The following LMO7 variants were observed in gnomAD, a reference collection of about 807,000 sequenced individuals.
LMO7 encodes LIM domain only protein 7.
In LMO7, 120 loss-of-function variants were observed where a neutral mutation model predicts 206.5. That is an observed-to-expected ratio of 0.58 (90% CI 0.50 to 0.68). The LOEUF (loss-of-function observed/expected upper bound fraction) is 0.68, where lower values mean the gene tolerates loss of function less well. Ranked by LOEUF, LMO7 falls within the 30% of genes least tolerant of loss-of-function variation. The probability of loss-of-function intolerance (pLI) is 0.00; values close to 1 mark genes in which losing one functional copy is unlikely to be tolerated. For missense variants in LMO7, 1,959 were observed against 1,957.9 expected (o/e 1.00, Z -0.01); for synonymous variants, 706 against 681.5 (o/e 1.04, Z -0.56).
At chr13:75,815,010 C>T (rs1350483093) in intron 11 of LMO7, among the ~76,000 whole-genome samples, 2 of 152,056 alleles carry the variant, frequency 1.3e-5, no homozygotes, top group South Asian at 2.1e-4. Flanking sequence ...TTGGAAGAAC[C>T]TGTCTTTAAC....
upstream of LMO7, among the ~76,000 whole-genome samples, chr13:75,632,862 G>GTTTTTTTTTGTTTGTTTTTTTTTTTTTT (rs2035134633): frequency 9.8e-6 from 1 of 102,138 alleles, no homozygotes; most frequent in African/African-American, 4.0e-5. Context: ...TTACTTAAAA[G>GTTTTTTTTTGTTTGTTTTTTTTTTTTTT]TTTTTTTTTT....
At chr13:75,796,775 T>C (rs2054067717) in intron 6 of LMO7, 26 bp downstream of exon 6, 2 of 1,320,886 alleles carry the variant, frequency 1.5e-6, no homozygotes, top group East Asian at 4.6e-5. Flanking sequence ...CTGTGTGAGA[T>C]TACTGCTGTA....
At chr13:75,746,781 A>G (rs1219305238) in intron 3 of LMO7, among the ~76,000 whole-genome samples, 1 of 151,958 alleles carries the variant, frequency 6.6e-6, no homozygotes, top group African/African-American at 2.4e-5. Flanking sequence ...AATTCCTGCA[A>G]GGTACCTGTT....
chr13:75,677,444 C>T (rs1192725760), intron 1 of LMO7, among the ~76,000 whole-genome samples: 2 of 152,128 alleles, frequency 1.3e-5, no homozygotes, highest in African/African-American at 4.8e-5. Flanking sequence ...CTAAAAAAGC[C>T]AGTGACTTTT....
chr13:75,809,256 C>A, intron 11 of LMO7, 73 bp downstream of exon 11: 1 of 1,307,856 alleles, frequency 7.6e-7, no homozygotes, highest in East Asian at 2.3e-5. Flanking sequence ...GTATTTCTGG[C>A]ATGGCATGTC....
At chr13:75,777,897 G>C (rs1340351351) in intron 4 of LMO7, among the ~76,000 whole-genome samples, 1 of 151,908 alleles carries the variant, frequency 6.6e-6, no homozygotes, top group Non-Finnish European at 1.5e-5. Flanking sequence ...CGCCCGCCTC[G>C]GCCTCCCAAA....
chr13:75,729,466 C>T (rs1434925328), intron 3 of LMO7, among the ~76,000 whole-genome samples: 2 of 150,142 alleles, frequency 1.3e-5, no homozygotes, highest in South Asian at 2.1e-4. Context: ...GTGATTTTTG[C>T]ACATTGATTT....
At chr13:75,797,927 C>T (rs371329615) in intron 6 of LMO7, among the ~76,000 whole-genome samples, 1 of 152,158 alleles carries the variant, frequency 6.6e-6, no homozygotes, top group Non-Finnish European at 1.5e-5. Context: ...GACTACGTAA[C>T]CTCATAAAGC....
chr13:75,686,775 T>G (rs1434631067), intron 1 of LMO7, among the ~76,000 whole-genome samples: 1 of 152,160 alleles, frequency 6.6e-6, no homozygotes, highest in East Asian at 1.9e-4. Flanking sequence ...ATAGGGTGCA[T>G]GGCTTCAGCA....
chr13:75,697,490 C>T (rs1416018236), intron 1 of LMO7, among the ~76,000 whole-genome samples: 2 of 152,264 alleles, frequency 1.3e-5, no homozygotes, highest in South Asian at 2.1e-4. Context: ...TTCACTATCA[C>T]AAGAACAGTA....
chr13:75,808,286 C>G (rs533801716), intron 10 of LMO7, 87 bp downstream of exon 10: 12 of 1,395,170 alleles, frequency 8.6e-6, no homozygotes, highest in Non-Finnish European at 9.6e-6. Context: ...CATCGTGTTG[C>G]TCAACTCTGC....
intron 6 of LMO7, among the ~76,000 whole-genome samples, chr13:75,797,964 T>G (rs1015422362): frequency 1.3e-5 from 2 of 152,174 alleles, no homozygotes; most frequent in Admixed American, 6.5e-5. Context: ...GGTGAGCATA[T>G]TGGTCACTGC....
intron 3 of LMO7, among the ~76,000 whole-genome samples, chr13:75,747,340 G>A (rs939301214): frequency 5.9e-5 from 9 of 152,046 alleles, no homozygotes; most frequent in African/African-American, 2.2e-4. Context: ...CAGCTCACAG[G>A]TCATCTTCCT....
intron 4 of LMO7, among the ~76,000 whole-genome samples, chr13:75,769,930 G>A (rs1388485021): frequency 1.3e-5 from 2 of 152,008 alleles, no homozygotes; most frequent in Admixed American, 1.3e-4. Context: ...GTGTATCTGG[G>A]TCAACAATTT....
intron 4 of LMO7, among the ~76,000 whole-genome samples, chr13:75,776,887 A>C (rs2140201778): frequency 6.6e-6 from 1 of 152,338 alleles, no homozygotes; most frequent in Non-Finnish European, 1.5e-5. Context: ...TTAATTTGAG[A>C]AATGTGCACT....
intron 3 of LMO7, among the ~76,000 whole-genome samples, chr13:75,759,749 T>TCCCGG (rs987976914): frequency 6.6e-6 from 1 of 152,030 alleles, no homozygotes; most frequent in African/African-American, 2.4e-5. Context: ...CCTTGTGCTT[T>TCCCGG]CCCGGAATCC....
chr13:75,800,200 A>T (rs937656558), intron 6 of LMO7, among the ~76,000 whole-genome samples: 1 of 152,166 alleles, frequency 6.6e-6, no homozygotes, highest in African/African-American at 2.4e-5. Context: ...TTAAGGTTTT[A>T]TGTTATATAA....
chr13:75,656,755 A>G (rs1274313321), intron 1 of LMO7, among the ~76,000 whole-genome samples: 1 of 152,182 alleles, frequency 6.6e-6, no homozygotes, highest in Non-Finnish European at 1.5e-5. Flanking sequence ...GTAAAAGCTC[A>G]GCTCAGGACT....
intron 1 of LMO7, among the ~76,000 whole-genome samples, chr13:75,642,087 A>T (rs2036594747): frequency 6.6e-6 from 1 of 152,180 alleles, no homozygotes; most frequent in Non-Finnish European, 1.5e-5. Flanking sequence ...TCCTCTTGGG[A>T]AGGAACTGAT....
Sources: gnomAD v4.1 joint callset for allele counts (sites outside exome capture counted in the v4.1 genomes callset) on GRCh38, gnomAD v4.1.1 for gene constraint, MANE v1.5 for transcripts, NCBI Gene and HGNC (gene_info 2026-07-23, HGNC 2026-07-21) for gene names.